CCDC178: variants seen among roughly 807,000 people sequenced by gnomAD.
CCDC178 encodes coiled-coil domain containing 178.
A neutral mutation model predicts 117.4 loss-of-function variants in CCDC178; 126 were observed. The observed-to-expected ratio is 1.07, with a 90% CI of 0.93 to 1.24. The LOEUF is 1.24. Ranked by LOEUF, CCDC178 falls within the 50% of genes most tolerant of loss-of-function variation. CCDC178 has a pLI of 0.00. For synonymous variants in CCDC178, 283 were observed against 313.4 expected, an observed-to-expected ratio of 0.90 and a Z score of 1.02; for missense variants, 1,030 against 986.9, an observed-to-expected ratio of 1.04 and a Z score of -0.59.
chr18:33,169,139 G>C (rs555855130), intron 20 of CCDC178, among the ~76,000 whole-genome samples: 1 of 152,254 alleles, frequency 6.6e-6, no homozygotes, highest in South Asian at 2.1e-4. Flanking sequence ...ACGGAAATTT[G>C]CAAAGAGAAT....
At chr18:33,364,775 G>A (rs1457501179) in intron 6 of CCDC178, among the ~76,000 whole-genome samples, 1 of 145,822 alleles carries the variant, frequency 6.9e-6, no homozygotes, top group Non-Finnish European at 1.5e-5. Flanking sequence ...GAGCTGTAAG[G>A]TAGAAGATTT....
In CCDC178 at chr18:33,221,006, G is replaced by C. The variant is rs539054409; in HGVS notation, c.1932+2100C>G. ...CCACAAAGCCCTGCGTACCAGACAG[G>C]GATGGAGCTGTTTACTGTTATGAAG... On this transcript the variant is annotated intron_variant, in intron 18 of 22. Coordinates refer to ENST00000383096, the MANE Select transcript of CCDC178 (RefSeq NM_001105528.4). 2.0e-5 allele frequency among the ~76,000 whole-genome samples: 3 copies of C among 152,048 alleles called. No homozygotes were observed. The East Asian group carries it at 5.8e-4, about 29-fold the overall frequency.
chr18:33,159,062 T>C (rs2058433612), intron 20 of CCDC178, among the ~76,000 whole-genome samples: 1 of 152,050 alleles, frequency 6.6e-6, no homozygotes. Flanking sequence ...AAAATGTTCT[T>C]ATGAATAAAC....
At chr18:33,130,107 C>A (rs1291743353) in intron 20 of CCDC178, among the ~76,000 whole-genome samples, 6 of 151,822 alleles carry the variant, frequency 4.0e-5, no homozygotes, top group Admixed American at 6.6e-5. Context: ...TTAAGATAGA[C>A]TTATGTATTC....
In CCDC178 at chr18:33,245,242, A is replaced by C; in HGVS notation, c.1593+3T>G. ...GAGTAAGAGGAACACAAAGATACAC[A>C]ACCTTGAACTTTCTTCTCACTTCTG... On this transcript the variant is annotated splice_donor_region_variant and intron_variant, in intron 15 of 22. Transcript: ENST00000383096. 1 of 1,567,542 alleles carries C rather than the reference A, an allele frequency of 6.4e-7. No homozygotes were observed. Among genetic ancestry groups the C allele is most frequent in the Non-Finnish European group, 8.6e-7 (1 of 1,161,054 alleles).
chr18:33,434,072 T>C (rs2064256743), intron 2 of CCDC178, among the ~76,000 whole-genome samples: 1 of 152,128 alleles, frequency 6.6e-6, no homozygotes, highest in Non-Finnish European at 1.5e-5. Flanking sequence ...GTATAGCTTT[T>C]GAGAAGCACT....
At chr18:33,261,832 G>T in intron 14 of CCDC178, among the ~76,000 whole-genome samples, 1 of 152,058 alleles carries the variant, frequency 6.6e-6, no homozygotes, top group Middle Eastern at 3.6e-3. Flanking sequence ...TCTCATAACT[G>T]GGTCATATTC....
intron 20 of CCDC178, among the ~76,000 whole-genome samples, chr18:33,204,510 G>A (rs2059027068): frequency 6.6e-6 from 1 of 152,096 alleles, no homozygotes; most frequent in Non-Finnish European, 1.5e-5. Context: ...ATGTTTACAT[G>A]TTTAATTCTC....
chr18:33,365,385 C>A (rs1277016213), intron 6 of CCDC178, among the ~76,000 whole-genome samples: 2 of 152,076 alleles, frequency 1.3e-5, no homozygotes, highest in Non-Finnish European at 2.9e-5. Context: ...TGGCACAGTG[C>A]TGAACCGGAT....
intron 21 of CCDC178, among the ~76,000 whole-genome samples, chr18:33,057,660 G>C (rs140562824): frequency 2.0e-5 from 3 of 152,076 alleles, no homozygotes; most frequent in African/African-American, 7.2e-5. Flanking sequence ...CCTGGCTAAT[G>C]TTTGGTATTT....
At chr18:33,223,524 A>G (rs2059264756) in intron 17 of CCDC178, among the ~76,000 whole-genome samples, 1 of 152,152 alleles carries the variant, frequency 6.6e-6, no homozygotes, top group African/African-American at 2.4e-5. Flanking sequence ...AAAACTCCAA[A>G]TACAAATAGT....
chr18:33,216,972 A>T (rs955753816), intron 18 of CCDC178, among the ~76,000 whole-genome samples: 1 of 152,050 alleles, frequency 6.6e-6, no homozygotes, highest in Non-Finnish European at 1.5e-5. Context: ...CGTTTAGATC[A>T]GATTTCATCA....
intron 20 of CCDC178, among the ~76,000 whole-genome samples, chr18:33,171,953 C>T (rs2058605473): frequency 1.3e-5 from 2 of 152,164 alleles, no homozygotes; most frequent in Admixed American, 1.3e-4. Context: ...CTCTGTCACC[C>T]AGGCTGGAGT....
chr18:32,966,301 T>G (rs570064766), intron 22 of CCDC178, among the ~76,000 whole-genome samples: 1 of 151,974 alleles, frequency 6.6e-6, no homozygotes, highest in South Asian at 2.1e-4. Flanking sequence ...AGCAGCTTCA[T>G]GCCTGCTGTC....
chr18:33,312,178 C>T (rs1367972561), intron 11 of CCDC178, among the ~76,000 whole-genome samples: 1 of 152,116 alleles, frequency 6.6e-6, no homozygotes, highest in Non-Finnish European at 1.5e-5. Flanking sequence ...GTTACTCTGT[C>T]CCTGAGTTGG....
intron 20 of CCDC178, among the ~76,000 whole-genome samples, chr18:33,178,108 C>T (rs1194353654): frequency 2.0e-5 from 3 of 152,086 alleles, no homozygotes; most frequent in African/African-American, 7.2e-5. Context: ...GTATCAACAT[C>T]TTACATCTCT....
intron 22 of CCDC178, among the ~76,000 whole-genome samples, chr18:32,951,449 C>T (rs2054480711): frequency 2.0e-5 from 3 of 152,044 alleles, no homozygotes; most frequent in Non-Finnish European, 2.9e-5. Flanking sequence ...GAATGAGTGC[C>T]AAATGAAGGG....
At chr18:33,285,401 A>G (rs1331349086) in intron 12 of CCDC178, among the ~76,000 whole-genome samples, 1 of 152,184 alleles carries the variant, frequency 6.6e-6, no homozygotes, top group East Asian at 1.9e-4. Flanking sequence ...CAAATTTTCA[A>G]GAGAAAGTTA....
intron 21 of CCDC178, among the ~76,000 whole-genome samples, chr18:33,061,415 C>T (rs2056918174): frequency 6.6e-6 from 1 of 152,078 alleles, no homozygotes; most frequent in African/African-American, 2.4e-5. Context: ...TCTAAGTTCA[C>T]CAATAAGCCT....
Sources: gnomAD v4.1 joint callset for allele counts (sites outside exome capture counted in the v4.1 genomes callset) on GRCh38, gnomAD v4.1.1 for gene constraint, MANE v1.5 for transcripts, NCBI Gene and HGNC (gene_info 2026-07-23, HGNC 2026-07-21) for gene names.